RIN3: variants seen among roughly 807,000 people sequenced by gnomAD.
RIN3 encodes the protein Ras and Rab interactor 3, also known as RAB5 interacting protein 3.
A neutral mutation model predicts 76.3 loss-of-function variants in RIN3; 54 were observed. The ratio of observed to expected loss-of-function variants is 0.71; its 90% CI spans 0.57 to 0.89. The LOEUF (loss-of-function observed/expected upper bound fraction) is 0.89. Among genes scored for constraint, RIN3 ranks in the 40% least tolerant of loss-of-function variants. The probability of loss-of-function intolerance (pLI) is 0.00; values close to 1 mark genes in which losing one functional copy is unlikely to be tolerated. For synonymous variants in RIN3, 576 were observed against 564.0 expected, an observed-to-expected ratio of 1.02 and a Z score of -0.30; for missense variants, 1,256 against 1,322.1, an observed-to-expected ratio of 0.95 and a Z score of 0.78.
In RIN3 at chr14:92,651,572, G is replaced by A; in HGVS notation, c.533-10G>A. 1 of 1,414,054 alleles carries A rather than the reference G, an allele frequency of 7.1e-7. No homozygotes were observed. Among genetic ancestry groups the A allele is most frequent in the East Asian group, 3.2e-5 (1 of 31,490 alleles). 87.6% of individuals were successfully genotyped at this position (1,414,054 alleles called of 1,614,324 possible). On this transcript the variant is annotated splice_polypyrimidine_tract_variant and intron_variant, in intron 5 of 9. Transcript: ENST00000216487. ...CAGACTGACCCCCTGCCCCTCTCTTGCTTCCACAGGTTTCTGGGACTCCTC... is the reference window on the plus strand; with the variant it reads ...CAGACTGACCCCCTGCCCCTCTCTTACTTCCACAGGTTTCTGGGACTCCTC...
chr14:92,613,858 C>T (rs1885845250), intron 3 of RIN3, among the ~76,000 whole-genome samples: 1 of 152,204 alleles, frequency 6.6e-6, no homozygotes, highest in African/African-American at 2.4e-5. Context: ...TGTTTCCTGG[C>T]CCCTCTGGAG....
chr14:92,553,054 A>C (rs2140032046), intron 1 of RIN3, among the ~76,000 whole-genome samples: 1 of 147,922 alleles, frequency 6.8e-6, no homozygotes, highest in East Asian at 2.0e-4. Context: ...AAAAATGGGG[A>C]TGAGCCCAGG....
intron 4 of RIN3, among the ~76,000 whole-genome samples, chr14:92,620,574 G>A (rs1886137297): frequency 6.6e-6 from 1 of 152,070 alleles, no homozygotes; most frequent in Admixed American, 6.6e-5. Flanking sequence ...ACTATTCACA[G>A]AACCAAATGA....
In RIN3 at chr14:92,537,634, C is replaced by CTTTTTTTTTTTTTTTT. The variant is rs576683908; in HGVS notation, c.45-18105_45-18090dup. Among the ~76,000 whole-genome samples the CTTTTTTTTTTTTTTTT allele has an allele frequency of 4.9e-3, 252 of 51,642 alleles. 30 individuals are homozygous for CTTTTTTTTTTTTTTTT. The highest frequency in any genetic ancestry group is 6.0e-3 in the Non-Finnish European group (177 of 29,564). 33.9% of individuals were successfully genotyped at this position (51,642 alleles called of 152,430 possible). A position where few individuals can be genotyped will look rare whatever the true frequency, so the allele number is the denominator to read the frequency against. On this transcript the variant is annotated intron_variant, in intron 1 of 9. Transcript: ENST00000216487. ...CAGCTATAAGTGAGTGCCTTAGGGA[C>CTTTTTTTTTTTTTTTT]TTTTTTTTTTTTTTTTTTTTTTTTT...
chr14:92,651,555 C>T (rs1404432811), intron 5 of RIN3, 27 bp from the exon 6 acceptor site: 4 of 1,447,260 alleles, frequency 2.8e-6, no homozygotes, highest in African/African-American at 1.4e-5. Flanking sequence ...CACAGACTGA[C>T]CCCCTGCCCC....
Position 92,545,057 on chromosome 14 carries a change from TTTTG to T in RIN3, c.45-10685_45-10682del, listed in dbSNP as rs200732217. ...TTATTTCACTCATTAGGGTTGATTT[TTTTG>T]TTTGTTTGATTGCTTTTTAAAACGT... is the stretch of plus-strand genomic sequence containing the variant. On this transcript the variant is annotated intron_variant, in intron 1 of 9. Coordinates refer to ENST00000216487, the MANE Select transcript of RIN3 (RefSeq NM_024832.5). 9.5e-3 allele frequency among the ~76,000 whole-genome samples: 1,437 copies of T among 151,936 alleles called. 7 individuals are homozygous for T. The highest frequency in any genetic ancestry group is 0.019 in the South Asian group (90 of 4,818).
intron 1 of RIN3, among the ~76,000 whole-genome samples, chr14:92,519,853 C>T (rs1235237373): frequency 3.3e-5 from 5 of 152,192 alleles, no homozygotes; most frequent in Admixed American, 3.3e-4. Flanking sequence ...CTTCCCTCAG[C>T]CTGGCGTCCA....
chr14:92,580,139 G>A (rs1430326388), intron 3 of RIN3, among the ~76,000 whole-genome samples: 2 of 152,252 alleles, frequency 1.3e-5, no homozygotes, highest in Non-Finnish European at 2.9e-5. Context: ...CACTTCGGGA[G>A]GCCGAGGCAG....
intron 3 of RIN3, among the ~76,000 whole-genome samples, chr14:92,588,993 T>A (rs1884884706): frequency 6.6e-6 from 1 of 152,158 alleles, no homozygotes; most frequent in South Asian, 2.1e-4. Context: ...CGGGAACCTG[T>A]TCTATGTAAG....
At chr14:92,666,995 G>A (rs1195024933) in intron 7 of RIN3, among the ~76,000 whole-genome samples, 1 of 152,156 alleles carries the variant, frequency 6.6e-6, no homozygotes, top group African/African-American at 2.4e-5. Flanking sequence ...CCAACCGGGT[G>A]GTGATAGATT....
chr14:92,606,866 A>C (rs1050934095), intron 3 of RIN3, among the ~76,000 whole-genome samples: 4 of 152,236 alleles, frequency 2.6e-5, no homozygotes, highest in Non-Finnish European at 5.9e-5. Flanking sequence ...CAGAATTGCC[A>C]TATGACTGAG....
chr14:92,559,084 C>G (rs1897686616), intron 2 of RIN3, among the ~76,000 whole-genome samples: 1 of 152,068 alleles, frequency 6.6e-6, no homozygotes, highest in South Asian at 2.1e-4. Flanking sequence ...CCAGGCTGGT[C>G]TCAGACTCCT....
In RIN3 at chr14:92,652,477, T is replaced by A; in HGVS notation, c.1428T>A (p.Ala476=). ...GACAACTGGCCTCGACCCTCCCAGC[T>A]CCCTTAGAGAACGCTGAGCTCTGCA... The part of the protein sequence containing the change: ...ISRQLASTLP[A]PLENAELCTQ... The change falls in exon 6 of 10, where the codon GCT becomes GCA. Residue 476 remains alanine (A), a synonymous_variant. Coordinates refer to ENST00000216487, the MANE Select transcript of RIN3 (RefSeq NM_024832.5). This position sits in a 1 kb window ranked among gnomAD's most constrained non-coding sequence, Gnocchi z 6.4. 2 of 1,612,648 alleles carry A rather than the reference T, an allele frequency of 1.2e-6. No homozygotes were observed. The highest frequency in any genetic ancestry group is 2.2e-5 in the South Asian group (2 of 90,996).
intron 7 of RIN3, among the ~76,000 whole-genome samples, chr14:92,661,754 C>CAAAAAAA (rs796462501): frequency 3.7e-5 from 5 of 133,492 alleles, no homozygotes; most frequent in African/African-American, 1.4e-4. Context: ...CACACACACA[C>CAAAAAAA]ACACAAAAAA....
At chr14:92,565,344 G>A (rs528543079) in intron 2 of RIN3, among the ~76,000 whole-genome samples, 39 of 152,224 alleles carry the variant, frequency 2.6e-4, no homozygotes, top group Non-Finnish European at 5.3e-4. Context: ...ACCAGAAAGG[G>A]GTCCCAAGCC....
At chr14:92,578,354 C>T (rs564297692) in intron 3 of RIN3, among the ~76,000 whole-genome samples, 3 of 152,214 alleles carry the variant, frequency 2.0e-5, no homozygotes, top group East Asian at 3.9e-4. Flanking sequence ...CTCTCTAGGG[C>T]GGGTTTGTTC....
At chr14:92,580,339 C>T (rs1898397716) in intron 3 of RIN3, among the ~76,000 whole-genome samples, 1 of 152,250 alleles carries the variant, frequency 6.6e-6, no homozygotes, top group South Asian at 2.1e-4. Context: ...GCACTCCAGC[C>T]TGGCAACAGA....
intron 5 of RIN3, among the ~76,000 whole-genome samples, chr14:92,644,004 A>T (rs1285402637): frequency 3.3e-5 from 5 of 152,094 alleles, no homozygotes; most frequent in African/African-American, 1.2e-4. Flanking sequence ...CAAGATTTGC[A>T]CCAAAGGCTT....
chr14:92,545,620 A>C (rs371281676), intron 1 of RIN3, among the ~76,000 whole-genome samples: 2 of 122,426 alleles, frequency 1.6e-5, no homozygotes, highest in East Asian at 2.3e-4. Flanking sequence ...TTACTCTGTC[A>C]CTGAGGCTGG....
Sources: gnomAD v4.1 joint callset for allele counts (sites outside exome capture counted in the v4.1 genomes callset) on GRCh38, gnomAD v4.1.1 for gene constraint, Gnocchi (gnomAD v3.1) non-coding constraint, MANE v1.5 for transcripts, NCBI Gene and HGNC (gene_info 2026-07-23, HGNC 2026-07-21) for gene names.